UBE2E1: variants seen among roughly 807,000 people sequenced by gnomAD.
UBE2E1 encodes the protein ubiquitin conjugating enzyme E2 E1.
A neutral mutation model predicts 21.4 loss-of-function variants in UBE2E1; 6 were observed. The ratio of observed to expected loss-of-function variants is 0.28; its 90% confidence interval spans 0.15 to 0.55. The LOEUF (loss-of-function observed/expected upper bound fraction) is 0.55, where lower values mean the gene tolerates loss of function less well. UBE2E1 is among the 20% of genes least tolerant of loss of function. UBE2E1 has a pLI of 0.93. For synonymous variants in UBE2E1, 87 were observed against 82.7 expected (o/e 1.05, Z -0.28); for missense variants, 142 against 236.5 (o/e 0.60, Z 2.62).
In UBE2E1 at chr3:23,816,111, A is replaced by G. The variant is rs1274241283; in HGVS notation, c.203+4601A>G. Among the ~76,000 whole-genome samples, 2 of 152,212 alleles carry G rather than the reference A, an allele frequency of 1.3e-5. No homozygotes were observed. Among genetic ancestry groups the G allele is most frequent in the South Asian group, 2.1e-4 (1 of 4,836 alleles). ...TGGCGGTTGTGTTTACCAAAAGACT[A>G]TATCTGGATTGTAAAACTGTACTAT... On this transcript the variant is annotated intron_variant, in intron 3 of 5. Coordinates refer to ENST00000306627, the MANE Select transcript of UBE2E1 (RefSeq NM_003341.5). The surrounding 1 kb of genome is among the most constrained non-coding windows in gnomAD (Gnocchi z 4.8).
At chr3:23,881,894 C>T (rs889834412) in intron 3 of UBE2E1, among the ~76,000 whole-genome samples, 11 of 152,024 alleles carry the variant, frequency 7.2e-5, no homozygotes, top group African/African-American at 2.7e-4. Flanking sequence ...TGCAGACCTT[C>T]GTGGTGAGTG....
intron 3 of UBE2E1, among the ~76,000 whole-genome samples, chr3:23,843,846 A>C (rs1700141221): frequency 1.3e-5 from 2 of 152,224 alleles, no homozygotes; most frequent in East Asian, 1.9e-4. Context: ...CCAAAACTTA[A>C]AACTTAATTC....
chr3:23,822,836 C>T (rs1405272919), intron 3 of UBE2E1, among the ~76,000 whole-genome samples: 2 of 144,242 alleles, frequency 1.4e-5, no homozygotes, highest in Non-Finnish European at 3.0e-5. Flanking sequence ...CCCATCCCCC[C>T]ACCCCCAACC....
intron 3 of UBE2E1, among the ~76,000 whole-genome samples, chr3:23,881,943 C>T (rs1701052459): frequency 6.6e-6 from 1 of 151,948 alleles, no homozygotes; most frequent in South Asian, 2.1e-4. Context: ...GCTGTTCGTT[C>T]CTCCCGTCCG....
chr3:23,842,250 G>GTGTGTGTGTGTGT lies in UBE2E1; in HGVS notation c.203+30743_203+30744insGTGTGTGTGTTGT, dbSNP rs1553637746. 1.2e-5 allele frequency among the ~76,000 whole-genome samples: 1 copy of GTGTGTGTGTGTGT among 86,284 alleles called. No individual in the cohort carries two copies. Among genetic ancestry groups the GTGTGTGTGTGTGT allele is most frequent in the Non-Finnish European group, 2.3e-5 (1 of 43,228 alleles). 56.6% of individuals were successfully genotyped at this position (86,284 alleles called of 152,430 possible). On this transcript the variant is annotated intron_variant, in intron 3 of 5. Coordinates refer to ENST00000306627, the MANE Select transcript of UBE2E1 (RefSeq NM_003341.5). This position sits in a 1 kb window ranked among gnomAD's most constrained non-coding sequence, Gnocchi z 4.6. ...GTGTGTGTGTGTGTGTGTGTGTGTGGTGTTGTTGTTGTTGGCGACAGGGTC... is the reference window on the plus strand; with the variant it reads ...GTGTGTGTGTGTGTGTGTGTGTGTGGTGTGTGTGTGTGTTGTTGTTGTTGTTGGCGACAGGGTC...
At chr3:23,822,394 C>T (rs1699662895) in intron 3 of UBE2E1, among the ~76,000 whole-genome samples, 1 of 150,922 alleles carries the variant, frequency 6.6e-6, no homozygotes, top group Admixed American at 6.6e-5. Context: ...AATTTCTTAA[C>T]ATAGTATATA....
At chr3:23,881,800 AGTTT>A (rs1175261156) in intron 3 of UBE2E1, among the ~76,000 whole-genome samples, 6 of 152,096 alleles carry the variant, frequency 3.9e-5, no homozygotes, top group Admixed American at 3.3e-4. Context: ...GTGTATCCGG[AGTTT>A]GTTCCTTCTG....
intron 3 of UBE2E1, among the ~76,000 whole-genome samples, chr3:23,850,648 A>C (rs1351115564): frequency 6.8e-6 from 1 of 147,674 alleles, no homozygotes; most frequent in East Asian, 2.0e-4. Flanking sequence ...CTGGGACTAC[A>C]TGCATGCACC....
chr3:23,865,293 G>A (rs146042905), intron 3 of UBE2E1, among the ~76,000 whole-genome samples: 73 of 152,292 alleles, frequency 4.8e-4, no homozygotes, highest in South Asian at 8.3e-4. Flanking sequence ...TTCTTAGGTA[G>A]TTTATGTCAT....
rs537737652 is a variant in UBE2E1, at chr3:23,808,105, C to T, written c.152+684C>T. Among the ~76,000 whole-genome samples the T allele has an allele frequency of 1.3e-5, 2 of 152,290 alleles. No homozygotes were observed. The highest frequency in any genetic ancestry group is 4.1e-4 in the South Asian group (2 of 4,830). The stretch of plus-strand genomic sequence containing the variant: ...TTTCATGCTATTTGCTGTCCTCATG[C>T]TGTGAAAATGTTACTTTGCCTTATT... On this transcript the variant is annotated intron_variant, in intron 2 of 5. Coordinates refer to ENST00000306627, the MANE Select transcript of UBE2E1 (RefSeq NM_003341.5). The surrounding 1 kb of genome is among the most constrained non-coding windows in gnomAD (Gnocchi z 4.9).
intron 3 of UBE2E1, among the ~76,000 whole-genome samples, chr3:23,872,021 C>T (rs1399233693): frequency 2.0e-5 from 3 of 151,898 alleles, no homozygotes; most frequent in African/African-American, 7.2e-5. Flanking sequence ...CCAAGGCAGG[C>T]GGGTGGGAGG....
At position 23,823,590 on chromosome 3, in the gene UBE2E1, C is replaced by T. The variant is rs1257595248; in HGVS notation, c.203+12080C>T. Among the ~76,000 whole-genome samples the T allele has an allele frequency of 6.6e-6, 1 of 152,180 alleles. No homozygotes were observed. The highest frequency in any genetic ancestry group is 1.5e-5 in the Non-Finnish European group (1 of 68,026). On this transcript the variant is annotated intron_variant, in intron 3 of 5. Transcript: ENST00000306627. The surrounding 1 kb of genome is among the most constrained non-coding windows in gnomAD (Gnocchi z 4.2). ...GGTGTTATAAAAATTTATTTCTTAG[C>T]AGACTTTGCTACAACACATTTATCC...
intron 3 of UBE2E1, among the ~76,000 whole-genome samples, chr3:23,849,612 G>A (rs1376268441): frequency 6.6e-6 from 1 of 152,126 alleles, no homozygotes; most frequent in Non-Finnish European, 1.5e-5. Context: ...GCAGTGTTTG[G>A]TTTTCTGTTC....
At chr3:23,829,958 ACATGTTTCC>A (rs1287869899) in intron 3 of UBE2E1, among the ~76,000 whole-genome samples, 2 of 152,066 alleles carry the variant, frequency 1.3e-5, no homozygotes, top group African/African-American at 4.8e-5. Context: ...TGGGTATGCC[ACATGTTTCC>A]CTTCCTCCCC....
At chr3:23,877,173 G>A (rs1447651921) in intron 3 of UBE2E1, among the ~76,000 whole-genome samples, 1 of 152,120 alleles carries the variant, frequency 6.6e-6, no homozygotes, top group Non-Finnish European at 1.5e-5. Context: ...AACTCCCAGG[G>A]GATGGATGCC....
chr3:23,859,635 C>G (rs1156442612), intron 3 of UBE2E1, among the ~76,000 whole-genome samples: 1 of 152,184 alleles, frequency 6.6e-6, no homozygotes, highest in Non-Finnish European at 1.5e-5. Flanking sequence ...GCTGAATGGC[C>G]TTAAGGTTAA....
intron 3 of UBE2E1, among the ~76,000 whole-genome samples, chr3:23,824,754 G>A (rs1403822164): frequency 1.3e-5 from 2 of 152,054 alleles, no homozygotes; most frequent in African/African-American, 2.4e-5. Flanking sequence ...AATCTTGTCA[G>A]TTTACTCATG....
chr3:23,882,827 C>T (rs1016777047), intron 3 of UBE2E1, among the ~76,000 whole-genome samples: 3 of 152,210 alleles, frequency 2.0e-5, no homozygotes, highest in Non-Finnish European at 4.4e-5. Context: ...CCGGCTGCTC[C>T]GAGTGCGGGG....
At chr3:23,880,391 A>G (rs1314728096) in intron 3 of UBE2E1, among the ~76,000 whole-genome samples, 1 of 152,096 alleles carries the variant, frequency 6.6e-6, no homozygotes, top group Non-Finnish European at 1.5e-5. Flanking sequence ...CTTAAAAATA[A>G]TAATAATGGA....
Sources: gnomAD v4.1 joint callset for allele counts (sites outside exome capture counted in the v4.1 genomes callset) on GRCh38, gnomAD v4.1.1 for gene constraint, Gnocchi (gnomAD v3.1) non-coding constraint, MANE v1.5 for transcripts, NCBI Gene and HGNC (gene_info 2026-07-23, HGNC 2026-07-21) for gene names.